Variants in CECR2 observed in about 807,000 individuals in gnomAD.
CECR2 encodes chromatin remodeling regulator CECR2.
A neutral mutation model predicts 154.5 loss-of-function variants in CECR2; 30 were observed. That is an observed-to-expected ratio of 0.19 (90% CI 0.15 to 0.26). The LOEUF is 0.26. CECR2 is among the 10% of genes least tolerant of loss of function. The pLI, the probability that CECR2 is intolerant of heterozygous loss-of-function variation, is 1.00. For synonymous variants in CECR2, 725 were observed against 683.7 expected, an observed-to-expected ratio of 1.06 and a Z score of -0.94; for missense variants, 1,743 against 1,829.3, an observed-to-expected ratio of 0.95 and a Z score of 0.86.
upstream of CECR2, among the ~76,000 whole-genome samples, chr22:17,366,745 A>G (rs1202240858): frequency 6.6e-6 from 1 of 152,178 alleles, no homozygotes; most frequent in Admixed American, 6.6e-5. Context: ...TCAGGGTATC[A>G]ATCCTAACAG....
chr22:17,428,561 T>G (rs753596202), intron 1 of CECR2: 25 of 152,238 alleles, frequency 1.6e-4, no homozygotes, highest in Non-Finnish European at 3.5e-4. Context: ...AGCATGATTA[T>G]TTCCCCCCAT....
In CECR2 at chr22:17,552,957, G is replaced by A. The variant is rs1354084740; in HGVS notation, c.*117G>A. 7.3e-6 allele frequency: 11 copies of A among 1,505,474 alleles called. No individual in the cohort carries two copies. Among genetic ancestry groups the A allele is most frequent in the East Asian group, 2.5e-5 (1 of 40,472 alleles). 93.3% of individuals were successfully genotyped at this position (1,505,474 alleles called of 1,614,324 possible). On this transcript the variant is annotated 3_prime_UTR_variant, in exon 19 of 19. Coordinates refer to ENST00000262608, the MANE Select transcript of CECR2 (RefSeq NM_001290047.2). ...ATCACCTGCTCCACCCCTTCACGGC[G>A]ACCCACTCGTGCCATACTTGAGCTG...
intron 6 of CECR2, among the ~76,000 whole-genome samples, chr22:17,504,257 C>G (rs1054622410): frequency 6.6e-6 from 1 of 151,500 alleles, no homozygotes; most frequent in African/African-American, 2.4e-5. Context: ...CCTGTAGTCC[C>G]AGCTACTTGG....
chr22:17,539,201 G>A, intron 13 of CECR2, 82 bp downstream of exon 13: 5 of 1,481,918 alleles, frequency 3.4e-6, no homozygotes, highest in Non-Finnish European at 4.6e-6. Flanking sequence ...ACACATCCTA[G>A]TGCCTTTTCT....
At chr22:17,550,896 C>G (rs1382715365) in intron 17 of CECR2, among the ~76,000 whole-genome samples, 2 of 151,926 alleles carry the variant, frequency 1.3e-5, no homozygotes, top group African/African-American at 4.8e-5. Flanking sequence ...GAGCCAAGAT[C>G]ATGCCACTGC....
intron 1 of CECR2, among the ~76,000 whole-genome samples, chr22:17,383,643 C>T (rs897212619): frequency 1.3e-5 from 2 of 148,210 alleles, no homozygotes; most frequent in African/African-American, 5.0e-5. Context: ...AATTTAGTCA[C>T]ATCTTCAGGT....
At position 17,379,687 on chromosome 22, in the gene CECR2, G is replaced by A. The variant is rs551948196; in HGVS notation, c.126+9778G>A. Among the ~76,000 whole-genome samples the A allele has an allele frequency of 3.3e-5, 5 of 151,906 alleles. 1 individual carries two copies. The highest frequency in any genetic ancestry group is 1.2e-4 in the African/African-American group (5 of 41,430). ...CAGAATTTTCAGTGTAGAACACAGC[G>A]ACCACATGAGCTTGAAGCTGCTCTA... On this transcript the variant is annotated intron_variant, in intron 1 of 18. Transcript: ENST00000262608.
At chr22:17,540,360 A>G in intron 13 of CECR2, 52 bp from the exon 14 acceptor site, 1 of 1,427,688 alleles carries the variant, frequency 7.0e-7, no homozygotes, top group Non-Finnish European at 9.3e-7. Context: ...TAGTTTCTAT[A>G]AACAATTTCT....
At chr22:17,406,927 A>G (rs1462789917) in intron 1 of CECR2, among the ~76,000 whole-genome samples, 1 of 152,198 alleles carries the variant, frequency 6.6e-6, no homozygotes, top group Admixed American at 6.5e-5. Flanking sequence ...GGAGGAACCT[A>G]AAATCCTTCT....
chr22:17,380,762 T>C lies in CECR2; in HGVS notation c.126+10853T>C, dbSNP rs2063177913. 7.2e-5 allele frequency among the ~76,000 whole-genome samples: 11 copies of C among 152,338 alleles called. 1 individual carries two copies. In the South Asian group the frequency reaches 2.3e-3, roughly 32 times the overall value. ...TAAATCACACCCAATTAATAATTCC[T>C]GAGAATGGATAAGTTCTTAGAATTG... On this transcript the variant is annotated intron_variant, in intron 1 of 18. Coordinates refer to ENST00000262608, the MANE Select transcript of CECR2 (RefSeq NM_001290047.2).
intron 1 of CECR2, among the ~76,000 whole-genome samples, chr22:17,377,284 A>AT (rs1177205767): frequency 2.0e-5 from 3 of 152,190 alleles, no homozygotes; most frequent in Non-Finnish European, 4.4e-5. Flanking sequence ...TTGTCTGCAA[A>AT]TAAGCTACTT....
chr22:17,482,115 CA>C (rs869050391), intron 2 of CECR2, among the ~76,000 whole-genome samples: 3 of 76,322 alleles, frequency 3.9e-5, no homozygotes, highest in African/African-American at 1.1e-4. Flanking sequence ...ACTCTGTCTC[CA>C]AAAAAAAAAA....
At position 17,479,019 on chromosome 22, in the gene CECR2, A is replaced by G. The variant is rs527246460; in HGVS notation, c.221+1337A>G. Among the ~76,000 whole-genome samples the G allele has an allele frequency of 2.0e-4, 27 of 137,320 alleles. No homozygotes were observed. The East Asian group carries it at 4.5e-3, about 23-fold the overall frequency. The allele number at this position is 137,320 out of a possible 152,430, so 90.1% of individuals were successfully genotyped here. On this transcript the variant is annotated intron_variant, in intron 2 of 18. Coordinates refer to ENST00000262608, the MANE Select transcript of CECR2 (RefSeq NM_001290047.2). Reference sequence around the variant, plus strand: ...ATAACCTGGAATTTTTTTTCATTATAGCAATCAGTTTTCTTATAACCACAT... The same window carrying G: ...ATAACCTGGAATTTTTTTTCATTATGGCAATCAGTTTTCTTATAACCACAT...
chr22:17,407,622 G>A (rs906301887), intron 1 of CECR2, among the ~76,000 whole-genome samples: 7 of 151,930 alleles, frequency 4.6e-5, no homozygotes, highest in African/African-American at 1.7e-4. Context: ...GAATTAGAGG[G>A]CCTTATTTTA....
At position 17,542,201 on chromosome 22, in the gene CECR2, A is replaced by G; in HGVS notation, c.2058A>G (p.Thr686=). 2 of 1,613,086 alleles carry G rather than the reference A, an allele frequency of 1.2e-6. No individual in the cohort carries two copies. The highest frequency in any genetic ancestry group is 1.7e-6 in the Non-Finnish European group (2 of 1,179,482). The change falls in exon 16 of 19, where the codon ACA becomes ACG. Residue 686 remains threonine (T), a synonymous_variant. Transcript: ENST00000262608. ...GCCTCCGAGGACCCAGGCTAGGCAC[A>G]CCAGAGGAGAAGCAAATGTGCGGGG... ...INSLRGPRLG[T]PEEKQMCGGL... is the part of the protein sequence containing the mutation.
chr22:17,557,020 G>C lies in CECR2; in HGVS notation c.*4180G>C, dbSNP rs185138981. The C allele has an allele frequency of 6.6e-6, 1 of 152,248 alleles. No homozygotes were observed. The highest frequency in any genetic ancestry group is 2.4e-5 in the African/African-American group (1 of 41,536). The allele number at this position is 152,248 out of a possible 1,614,324, so 9.4% of individuals were successfully genotyped here. A position where few individuals can be genotyped will look rare whatever the true frequency, so the allele number is the denominator to read the frequency against. On this transcript the variant is annotated 3_prime_UTR_variant, in exon 19 of 19. Transcript: ENST00000262608. ...GCCATTTGCTGCGTGAGAAAAAGCT[G>C]GGCTCCCTATTTCTTTTTTGGGTTG... is the stretch of plus-strand genomic sequence containing the variant.
intron 1 of CECR2, among the ~76,000 whole-genome samples, chr22:17,473,854 A>C (rs1197361904): frequency 6.6e-6 from 1 of 152,254 alleles, no homozygotes; most frequent in Non-Finnish European, 1.5e-5. Context: ...ACCCATTAAA[A>C]TAATGGGGAA....
intron 8 of CECR2, chr22:17,518,563 A>G: frequency 3.3e-6 from 1 of 300,158 alleles, no homozygotes; most frequent in Admixed American, 4.1e-5. Context: ...CCTTCTCTGC[A>G]ACTGTCTTCC....
intron 1 of CECR2, among the ~76,000 whole-genome samples, chr22:17,434,273 G>A (rs1333727355): frequency 2.6e-5 from 4 of 152,228 alleles, no homozygotes; most frequent in Admixed American, 2.6e-4. Context: ...CAGCTTGAAC[G>A]AAGGCGAGGA....
Sources: gnomAD v4.1 joint callset for allele counts (sites outside exome capture counted in the v4.1 genomes callset) on GRCh38, gnomAD v4.1.1 for gene constraint, MANE v1.5 for transcripts, NCBI Gene and HGNC (gene_info 2026-07-23, HGNC 2026-07-21) for gene names.